The following CCDC9 variants were observed in gnomAD, a reference collection of about 807,000 sequenced individuals.
The protein encoded by CCDC9 is coiled-coil domain containing 9, also known as coiled-coil domain-containing protein 9.
A neutral mutation model predicts 65.6 loss-of-function variants in CCDC9; 52 were observed. The ratio of observed to expected loss-of-function variants is 0.79; its 90% CI spans 0.63 to 1.00. The LOEUF (loss-of-function observed/expected upper bound fraction) is 1.00, where lower values mean the gene tolerates loss of function less well. Ranked by LOEUF, CCDC9 falls within the 50% of genes least tolerant of loss-of-function variation. CCDC9 has a pLI of 0.00. For missense variants in CCDC9, 834 were observed against 757.2 expected, an observed-to-expected ratio of 1.10 and a Z score of -1.19; for synonymous variants, 332 against 280.3, an observed-to-expected ratio of 1.18 and a Z score of -1.84.
chr19:47,269,810 G>A (rs1249612632), intron 8 of CCDC9, among the ~76,000 whole-genome samples: 3 of 152,136 alleles, frequency 2.0e-5, no homozygotes, highest in Non-Finnish European at 4.4e-5. Context: ...AGGTGAGGGA[G>A]ACTGGTGGGA....
chr19:47,274,586 G>C (rs1264253899), downstream of CCDC9: 1 of 192,414 alleles, frequency 5.2e-6, no homozygotes, highest in Non-Finnish European at 1.0e-5. Context: ...TCCGAGGCGG[G>C]CTAGATGCCT....
At chr19:47,264,556 T>TTAATAGTTC in intron 5 of CCDC9, 47 bp from the exon 6 acceptor site, 2 of 1,537,582 alleles carry the variant, frequency 1.3e-6, no homozygotes, top group Non-Finnish European at 1.8e-6. Context: ...CACCGGCAGC[T>TTAATAGTTC]TAATAGTTCT....
downstream of CCDC9, chr19:47,273,476 C>G: frequency 1.1e-6 from 1 of 896,358 alleles, no homozygotes; most frequent in Non-Finnish European, 1.5e-6. Flanking sequence ...CCCGCCGGAC[C>G]GCGGCCTCCG....
At position 47,271,748 on chromosome 19, in the gene CCDC9, C is replaced by T. The variant is rs1175256633; in HGVS notation, c.*70C>T. Reference sequence around the variant, plus strand: ...GTGTGTGTGTGCGCGCGCGCGCGCGCGCGCGCGCGCGCTAGAGGGGTGTGG... The same window carrying T: ...GTGTGTGTGTGCGCGCGCGCGCGCGTGCGCGCGCGCGCTAGAGGGGTGTGG... On this transcript the variant is annotated 3_prime_UTR_variant, in exon 12 of 12. Coordinates refer to ENST00000221922, the MANE Select transcript of CCDC9 (RefSeq NM_015603.3). The T allele has an allele frequency of 0.028, 28,381 of 1,015,584 alleles. 494 individuals carry two copies. Among genetic ancestry groups the T allele is most frequent in the South Asian group, 0.032 (1,310 of 41,010 alleles). 62.9% of individuals were successfully genotyped at this position (1,015,584 alleles called of 1,614,324 possible).
In CCDC9 at chr19:47,260,601, G is replaced by A. The variant is rs1034930202; in HGVS notation, c.224G>A (p.Gly75Asp). ...CCCCTCTTCCAGGAGAAGAACCTGG[G>A]TCCTTCCCGGAGGTCTCCTGGGACC... Reference protein sequence around the residue: ...NVAVESEKNLGPSRRSPGTPR... With the variant: ...NVAVESEKNLDPSRRSPGTPR... The change falls in exon 5 of 12, where the codon GGT (glycine) becomes GAT (aspartate). Residue 75 changes from glycine to aspartate, a missense_variant. Gly to Asp is a moderately conservative substitution (Grantham distance 94). Transcript: ENST00000221922. The A allele has an allele frequency of 6.5e-7, 1 of 1,528,488 alleles. No homozygotes were observed. Among genetic ancestry groups the A allele is most frequent in the Non-Finnish European group, 8.7e-7 (1 of 1,146,570 alleles). The allele number at this position is 1,528,488 out of a possible 1,614,324, so 94.7% of individuals were successfully genotyped here.
chr19:47,275,091 A>T (rs1312510810), downstream of CCDC9: 6 of 1,494,496 alleles, frequency 4.0e-6, no homozygotes, highest in East Asian at 1.7e-4. Flanking sequence ...CTGGGTACCC[A>T]CGCGGTCTCC....
Position 47,271,888 on chromosome 19 carries a change from G to C in CCDC9, c.*210G>C. The C allele has an allele frequency of 3.0e-6, 4 of 1,330,720 alleles. No individual in the cohort carries two copies. Among genetic ancestry groups the C allele is most frequent in the Non-Finnish European group, 2.9e-6 (3 of 1,043,288 alleles). The allele number at this position is 1,330,720 out of a possible 1,614,324, so 82.4% of individuals were successfully genotyped here. A position where few individuals can be genotyped will look rare whatever the true frequency, so the allele number is the denominator to read the frequency against. ...GTACTGTCATGCCCGTCTCTGGAAT[G>C]TCCACTCCCAGAGCCTGCCCCAGCC... is the stretch of plus-strand genomic sequence containing the variant. On this transcript the variant is annotated 3_prime_UTR_variant, in exon 12 of 12. Transcript: ENST00000221922.
At chr19:47,275,069 C>G (rs1408621249), downstream of CCDC9, 1 of 1,496,920 alleles carries the variant, frequency 6.7e-7, no homozygotes, top group East Asian at 2.8e-5. Context: ...TCGCCGTGTA[C>G]TACGGTCTCA....
In CCDC9 at chr19:47,271,136, G is replaced by A. The variant is rs2059113634; in HGVS notation, c.1140G>A (p.Glu380=). The change falls in exon 11 of 12, where the codon GAG becomes GAA. Residue 380 remains glutamate (E), a synonymous_variant. Transcript: ENST00000221922. The part of the protein sequence containing the change: ...TKEGAASPAP[E]TPQPTSPETS... ...AAGGGGCAGCATCCCCAGCCCCTGA[G>A]ACTCCACAGCCTACTTCCCCCGAGA... 1 of 1,584,742 alleles carries A rather than the reference G, an allele frequency of 6.3e-7. No homozygotes were observed. Among genetic ancestry groups the A allele is most frequent in the Admixed American group, 1.9e-5 (1 of 53,532 alleles).
chr19:47,265,626 A>G (rs1014260305), intron 7 of CCDC9, among the ~76,000 whole-genome samples: 6 of 151,478 alleles, frequency 4.0e-5, no homozygotes, highest in Non-Finnish European at 5.9e-5. Flanking sequence ...TCTTGTTACT[A>G]ACAGTATTGT....
chr19:47,270,427 C>G lies in CCDC9; in HGVS notation c.923C>G (p.Pro308Arg), dbSNP rs1158140552. 2 of 1,614,080 alleles carry G rather than the reference C, an allele frequency of 1.2e-6. No homozygotes were observed. The highest frequency in any genetic ancestry group is 2.7e-5 in the African/African-American group (2 of 74,942). The change falls in exon 9 of 12, where the codon CCT becomes CGT. Residue 308 changes from proline to arginine, a missense_variant. Physicochemically the swap from Pro to Arg is moderately radical, Grantham distance 103. Coordinates refer to ENST00000221922, the MANE Select transcript of CCDC9 (RefSeq NM_015603.3). ...CCCAGGTTCAAGGATGGCCCAGTCC[C>G]TGCCCATGAACCATCCCACCGCTAT... ...TDGMFKDGPV[P>R]AHEPSHRYDD...
chr19:47,265,069 T>G, intron 7 of CCDC9, 123 bp downstream of exon 7: 2 of 804,584 alleles, frequency 2.5e-6, no homozygotes. Flanking sequence ...CAGGACTTTT[T>G]TTTTTTGAGA....
chr19:47,265,984 C>CTTTTT (rs1158302196), intron 7 of CCDC9, among the ~76,000 whole-genome samples: 3 of 72,630 alleles, frequency 4.1e-5, no homozygotes, highest in African/African-American at 8.2e-5. Flanking sequence ...CCGCTCCTGG[C>CTTTTT]TTTTTTTTTT....
intron 3 of CCDC9, 104 bp downstream of exon 3, chr19:47,258,767 T>A: frequency 1.2e-6 from 1 of 836,112 alleles, no homozygotes; most frequent in Non-Finnish European, 2.0e-6. Flanking sequence ...CCCATCACTG[T>A]CAGGATAAAG....
At chr19:47,268,232 T>A (rs1448925579) in intron 8 of CCDC9, among the ~76,000 whole-genome samples, 1 of 152,138 alleles carries the variant, frequency 6.6e-6, no homozygotes, top group Admixed American at 6.6e-5. Flanking sequence ...AAAGCCCTCA[T>A]TGCATCATCG....
chr19:47,275,015 G>A (rs1274963272), downstream of CCDC9: 2 of 1,482,792 alleles, frequency 1.3e-6, no homozygotes, highest in South Asian at 1.3e-5. Context: ...GCTTGGCTCC[G>A]GTATGCGCCT....
At position 47,266,789 on chromosome 19, in the gene CCDC9, G is replaced by C; in HGVS notation, c.899G>C (p.Gly300Ala). Residue 300 changes from glycine (G) to alanine (A), a missense_variant, in exon 8 of 12, where the codon GGG (glycine) becomes GCG (alanine). Gly to Ala is a moderately conservative substitution (Grantham distance 60). Transcript: ENST00000221922. ...RREWDAEKTD[G>A]MFKDGPVPAH... ...GAGTGGGATGCCGAGAAGACCGATG[G>C]GATGTGAGTCTCCTCCCCGCTCCTC... 1.9e-6 allele frequency: 3 copies of C among 1,606,716 alleles called. No individual in the cohort carries two copies. The highest frequency in any genetic ancestry group is 1.7e-6 in the Non-Finnish European group (2 of 1,176,786).
At chr19:47,262,849 G>C (rs957581736) in intron 5 of CCDC9, among the ~76,000 whole-genome samples, 1 of 152,104 alleles carries the variant, frequency 6.6e-6, no homozygotes, top group Non-Finnish European at 1.5e-5. Flanking sequence ...TACTTGGGAA[G>C]CTAAGGTGGG....
chr19:47,274,204 A>G (rs1169987288), downstream of CCDC9, among the ~76,000 whole-genome samples: 5 of 152,138 alleles, frequency 3.3e-5, no homozygotes, highest in South Asian at 2.1e-4. Context: ...TGAGGTGCTG[A>G]GGATACCTGA....
Sources: allele counts gnomAD v4.1 joint callset (sites outside exome capture counted in the v4.1 genomes callset), GRCh38; gene constraint gnomAD v4.1.1; transcripts MANE v1.5; gene names NCBI Gene and HGNC (gene_info 2026-07-23, HGNC 2026-07-21).